LUZP2: variants seen among roughly 807,000 people sequenced by gnomAD.
The protein encoded by LUZP2 is leucine zipper protein 2.
Under a neutral mutation model 51.6 loss-of-function variants are expected in LUZP2, and 52 were observed. The ratio of observed to expected loss-of-function variants is 1.01; its 90% confidence interval spans 0.81 to 1.27. The LOEUF is 1.27. LUZP2 is among the 50% of genes most tolerant of loss of function. LUZP2 has a pLI of 0.00. For missense variants in LUZP2, 436 were observed against 395.4 expected (o/e 1.10, Z -0.87); for synonymous variants, 154 against 137.3 (o/e 1.12, Z -0.85).
chr11:24,498,431 G>T (rs1378163998), intron 1 of LUZP2, among the ~76,000 whole-genome samples: 1 of 152,116 alleles, frequency 6.6e-6, no homozygotes, highest in African/African-American at 2.4e-5. Flanking sequence ...CCTTCTTTCA[G>T]GCCTGTGTAA....
At chr11:25,075,967 G>T (rs1460004060) in intron 10 of LUZP2, among the ~76,000 whole-genome samples, 3 of 151,572 alleles carry the variant, frequency 2.0e-5, no homozygotes, top group Non-Finnish European at 4.4e-5. Flanking sequence ...ATGTCAGTGG[G>T]TCAGTGGTCA....
At chr11:24,685,363 T>G (rs773548960) in intron 1 of LUZP2, among the ~76,000 whole-genome samples, 1 of 152,172 alleles carries the variant, frequency 6.6e-6, no homozygotes, top group Non-Finnish European at 1.5e-5. Context: ...CCTTAGCTCT[T>G]CATGATCTTG....
chr11:24,989,477 G>A (rs1317934470), intron 9 of LUZP2, among the ~76,000 whole-genome samples: 1 of 152,008 alleles, frequency 6.6e-6, no homozygotes, highest in African/African-American at 2.4e-5. Flanking sequence ...AGAAGCTAAT[G>A]TTATGGGAGA....
intron 6 of LUZP2, among the ~76,000 whole-genome samples, chr11:24,908,928 A>C (rs1378569701): frequency 6.6e-6 from 1 of 151,140 alleles, no homozygotes; most frequent in Non-Finnish European, 1.5e-5. Flanking sequence ...CACCCAGCTA[A>C]TTTTTTGTAT....
chr11:24,732,266 T>C (rs1239924330), intron 3 of LUZP2, 78 bp downstream of exon 3: 10 of 1,024,700 alleles, frequency 9.8e-6, no homozygotes, highest in Non-Finnish European at 1.4e-5. Context: ...AATTTATTGA[T>C]TCTAAATATA....
chr11:24,514,210 T>TTG (rs140925375), intron 1 of LUZP2, among the ~76,000 whole-genome samples: 4 of 151,746 alleles, frequency 2.6e-5, no homozygotes, highest in Middle Eastern at 6.4e-3. Context: ...AACTAGTTGG[T>TTG]TGTGTGTGTG....
At chr11:24,654,081 C>T (rs1000289096) in intron 1 of LUZP2, among the ~76,000 whole-genome samples, 4 of 152,164 alleles carry the variant, frequency 2.6e-5, no homozygotes, top group South Asian at 2.1e-4. Flanking sequence ...AATTACGTGT[C>T]GTTGAGCAAA....
At chr11:24,692,205 T>C (rs2133890898) in intron 1 of LUZP2, among the ~76,000 whole-genome samples, 1 of 151,592 alleles carries the variant, frequency 6.6e-6, no homozygotes, top group African/African-American at 2.4e-5. Flanking sequence ...ATCAAAAGAG[T>C]TTTGTTGTGA....
chr11:24,705,035 A>C (rs1192759051), intron 1 of LUZP2, among the ~76,000 whole-genome samples: 1 of 152,172 alleles, frequency 6.6e-6, no homozygotes. Flanking sequence ...TAAATCTTGA[A>C]AGTAAAAGCT....
chr11:24,779,973 A>T (rs950904566), intron 5 of LUZP2, among the ~76,000 whole-genome samples: 4 of 152,134 alleles, frequency 2.6e-5, no homozygotes, highest in African/African-American at 4.8e-5. Flanking sequence ...GAGGCAAGGG[A>T]CATATTCTCC....
intron 7 of LUZP2, among the ~76,000 whole-genome samples, chr11:24,922,676 T>C (rs1347704603): frequency 6.6e-6 from 1 of 152,070 alleles, no homozygotes; most frequent in Non-Finnish European, 1.5e-5. Flanking sequence ...GCTGTAAGCT[T>C]GTCAAATCAC....
chr11:24,826,313 G>A (rs1424475061), intron 5 of LUZP2, among the ~76,000 whole-genome samples: 2 of 149,876 alleles, frequency 1.3e-5, no homozygotes, highest in Non-Finnish European at 3.0e-5. Flanking sequence ...TATAGATCTT[G>A]ACTATGATAT....
At chr11:24,924,642 A>G (rs992523542) in intron 7 of LUZP2, among the ~76,000 whole-genome samples, 1 of 152,174 alleles carries the variant, frequency 6.6e-6, no homozygotes, top group African/African-American at 2.4e-5. Flanking sequence ...CAGCCTTAGA[A>G]AATCCTGAGA....
intron 1 of LUZP2, among the ~76,000 whole-genome samples, chr11:24,658,531 T>C (rs543115142): frequency 0.013 from 1,961 of 152,218 alleles, 37 homozygotes; most frequent in African/African-American, 0.044. Flanking sequence ...ACTTCATGTC[T>C]AAAACACCAA....
chr11:24,799,674 C>T (rs34126748), intron 5 of LUZP2, among the ~76,000 whole-genome samples: 23,103 of 151,946 alleles, frequency 0.15, 1,936 homozygotes, highest in Middle Eastern at 0.25. Flanking sequence ...CTTCATAACT[C>T]TAGTAAACTC....
At chr11:24,562,932 G>T (rs1208441561) in intron 1 of LUZP2, among the ~76,000 whole-genome samples, 1 of 151,912 alleles carries the variant, frequency 6.6e-6, no homozygotes, top group Non-Finnish European at 1.5e-5. Flanking sequence ...ATGATGAAAG[G>T]GTAAGATTGT....
In LUZP2 at chr11:24,883,439, C is replaced by A. The variant is rs957762716; in HGVS notation, c.397-22552C>A. Among the ~76,000 whole-genome samples the A allele has an allele frequency of 2.0e-5, 3 of 152,066 alleles. No individual in the cohort carries two copies. The Middle Eastern group carries it at 0.01, about 517-fold the overall frequency. On this transcript the variant is annotated intron_variant, in intron 5 of 11. Transcript: ENST00000336930. Reference sequence around the variant, plus strand: ...AATGATGAGCATATTCTTCTTACTGCCACTCCATGGGAATTTTCTAATGAT... The same window carrying A: ...AATGATGAGCATATTCTTCTTACTGACACTCCATGGGAATTTTCTAATGAT...
chr11:24,687,994 T>C (rs1159285389), intron 1 of LUZP2, among the ~76,000 whole-genome samples: 1 of 152,046 alleles, frequency 6.6e-6, no homozygotes, highest in Admixed American at 6.6e-5. Context: ...TCTCTCTTTC[T>C]CTCTCTCTGG....
At chr11:24,784,826 T>C (rs896447109) in intron 5 of LUZP2, among the ~76,000 whole-genome samples, 7 of 152,100 alleles carry the variant, frequency 4.6e-5, no homozygotes, top group Non-Finnish European at 8.8e-5. Context: ...TGGGAACATA[T>C]ATTGTATATG....
Sources: gnomAD v4.1 joint callset for allele counts (sites outside exome capture counted in the v4.1 genomes callset) on GRCh38, gnomAD v4.1.1 for gene constraint, MANE v1.5 for transcripts, NCBI Gene and HGNC (gene_info 2026-07-23, HGNC 2026-07-21) for gene names.